Variants in L3HYPDH observed in about 807,000 individuals in gnomAD.
L3HYPDH encodes the protein trans-L-3-hydroxyproline dehydratase, also known as trans-3-hydroxy-L-proline dehydratase.
A neutral mutation model predicts 26.5 loss-of-function variants in L3HYPDH; 32 were observed. That is an observed-to-expected ratio of 1.21 (90% confidence interval 0.91 to 1.62). The LOEUF is 1.62. Ranked by LOEUF, L3HYPDH falls within the 40% of genes most tolerant of loss-of-function variation. The probability of loss-of-function intolerance (pLI) is 0.00; values close to 1 mark genes in which losing one functional copy is unlikely to be tolerated. For synonymous variants in L3HYPDH, 215 were observed against 196.6 expected, an observed-to-expected ratio of 1.09 and a Z score of -0.78; for missense variants, 554 against 476.4, an observed-to-expected ratio of 1.16 and a Z score of -1.52.
chr14:59,479,060 A>G (rs1889834071), intron 2 of L3HYPDH, 122 bp downstream of exon 2: 1 of 758,168 alleles, frequency 1.3e-6, no homozygotes, highest in South Asian at 2.4e-5. Flanking sequence ...TTTAATAAGT[A>G]CCCTATTCTT....
the L3HYPDH span, among the ~76,000 whole-genome samples, chr14:59,498,071 G>A: frequency 6.6e-6 from 1 of 151,910 alleles, no homozygotes; most frequent in Admixed American, 6.6e-5. Flanking sequence ...ATTAAAAATG[G>A]GACATTCAAA....
At chr14:59,493,425 A>G in the L3HYPDH span, among the ~76,000 whole-genome samples, 1 of 152,216 alleles carries the variant, frequency 6.6e-6, no homozygotes, top group Non-Finnish European at 1.5e-5. Context: ...GTGGAGCAGA[A>G]AGAACTGCCC....
the L3HYPDH span, chr14:59,495,334 T>C: frequency 6.7e-6 from 5 of 746,444 alleles, no homozygotes; most frequent in Middle Eastern, 3.6e-4. Flanking sequence ...GAGTTCTGGG[T>C]CTGCCAGCGG....
At position 59,473,077 on chromosome 14, in the gene L3HYPDH, C is replaced by T. The variant is rs1233663455; in HGVS notation, c.953G>A (p.Gly318Asp). ...TTCCACTATAACAGCTTTAAAATCA[C>T]CACATTTCGCTTCCTGAAAAAAGAT... ...TGKAVREAKCGDFKAVIVEVS... is the reference protein window; with the variant it reads ...TGKAVREAKCDDFKAVIVEVS... Residue 318 changes from glycine to aspartate, a missense_variant, in exon 5 of 5, where the codon GGT (glycine) becomes GAT (aspartate). Coordinates refer to ENST00000247194, the MANE Select transcript of L3HYPDH (RefSeq NM_144581.2). The T allele has an allele frequency of 1.3e-6, 2 of 1,592,344 alleles. No individual in the cohort carries two copies. The highest frequency in any genetic ancestry group is 1.8e-5 in the Admixed American group (1 of 54,666).
chr14:59,484,151 GGCGCATGTA>G lies in L3HYPDH; in HGVS notation c.157_165del (p.Tyr53_Arg55del). 3 of 1,601,086 alleles carry G rather than the reference GGCGCATGTA, an allele frequency of 1.9e-6. No individual in the cohort carries two copies. Among genetic ancestry groups the G allele is most frequent in the Non-Finnish European group, 2.5e-6 (3 of 1,179,300 alleles). On this transcript the variant is annotated inframe_deletion, in exon 1 of 5. Transcript: ENST00000247194. The stretch of plus-strand genomic sequence containing the variant: ...CGTCGCCGCACGTGGTCAAGGTGCT[GGCGCATGTA>G]GCGCCGCTTGGCCAGCAGGGTGGGC...
the L3HYPDH span, among the ~76,000 whole-genome samples, chr14:59,496,190 G>C: frequency 5.3e-5 from 8 of 152,060 alleles, no homozygotes; most frequent in Non-Finnish European, 1.0e-4. Flanking sequence ...ACAGGCGTGA[G>C]CCACTGTGCC....
rs1890295865 is a variant in L3HYPDH at position 59,484,115 on chromosome 14, C to A, written c.202G>T (p.Glu68Ter). ...TACATGTCCCGGTGCCCTCGGGGCTCGAACATGAGCCGTCGCCGCACGTGG... is the reference window on the plus strand; with the variant it reads ...TACATGTCCCGGTGCCCTCGGGGCTAGAACATGAGCCGTCGCCGCACGTGG... The part of the protein sequence containing the change: ...LDHVRRRLMF[E>*]PRGHRDMYGA... The change falls in exon 1 of 5, where the codon GAG (glutamate) becomes TAG (stop). Residue 68 changes from glutamate (E) to a stop codon, truncating the protein, a stop_gained. Transcript: ENST00000247194. LOFTEE classifies it high-confidence loss of function. 6.2e-7 allele frequency: 1 copy of A among 1,603,812 alleles called. No individual in the cohort carries two copies. Among genetic ancestry groups the A allele is most frequent in the Non-Finnish European group, 8.5e-7 (1 of 1,179,054 alleles).
rs1889357833 is a variant in L3HYPDH, at chr14:59,472,806, G to A, written c.*159C>T. On this transcript the variant is annotated 3_prime_UTR_variant, in exon 5 of 5. Transcript: ENST00000247194. The stretch of plus-strand genomic sequence containing the variant: ...TTTATACAAATACAGTTGCAAATAC[G>A]AGGTATAATGACTTTATATTTAGCC... 7 of 521,590 alleles carry A rather than the reference G, an allele frequency of 1.3e-5. No homozygotes were observed. The highest frequency in any genetic ancestry group is 3.5e-5 in the East Asian group (1 of 28,874). 32.3% of individuals were successfully genotyped at this position (521,590 alleles called of 1,614,324 possible). A position where few individuals can be genotyped will look rare whatever the true frequency, so the allele number is the denominator to read the frequency against.
upstream of L3HYPDH, chr14:59,484,541 G>A (rs747184134): frequency 9.0e-6 from 14 of 1,561,676 alleles, no homozygotes; most frequent in Non-Finnish European, 1.2e-5. Flanking sequence ...CGGTGCAGCT[G>A]CCAGATCCGC....
downstream of L3HYPDH, among the ~76,000 whole-genome samples, chr14:59,471,610 TA>T (rs1469828265): frequency 6.6e-6 from 1 of 152,188 alleles, no homozygotes; most frequent in African/African-American, 2.4e-5. Flanking sequence ...GGTCAGTGAG[TA>T]AAACTACCCC....
intron 2 of L3HYPDH, 183 bp downstream of exon 2, chr14:59,478,999 C>A: frequency 2.1e-6 from 1 of 474,688 alleles, no homozygotes; most frequent in Non-Finnish European, 3.6e-6. Context: ...TCCTGGGCTG[C>A]ATGTGGCTCA....
rs770930136 is a variant in L3HYPDH, at chr14:59,484,294, G to A, written c.23C>T (p.Pro8Leu). 6.3e-7 allele frequency: 1 copy of A among 1,591,704 alleles called. No individual in the cohort carries two copies. Among genetic ancestry groups the A allele is most frequent in the Admixed American group, 1.7e-5 (1 of 59,640 alleles). Residue 8 changes from proline to leucine, a missense_variant, in exon 1 of 5, where the codon CCC becomes CTC. By Grantham distance (98) the Pro-to-Leu change is moderately conservative. Coordinates refer to ENST00000247194, the MANE Select transcript of L3HYPDH (RefSeq NM_144581.2). MESALAV[P>L]RLPPHDPGTP... ...CCCTGGATCATGCGGGGGCAGCCGG[G>A]GCACCGCCAGCGCGCTCTCCATGGT...
upstream of L3HYPDH, chr14:59,487,700 T>C (rs1375121358): frequency 1.2e-6 from 2 of 1,613,298 alleles, no homozygotes; most frequent in Non-Finnish European, 8.5e-7. Context: ...AGAGAACGAA[T>C]GCACAGAAAT....
chr14:59,498,929 C>A, the L3HYPDH span: 3 of 1,367,386 alleles, frequency 2.2e-6, no homozygotes, highest in South Asian at 4.0e-5. Flanking sequence ...TGGGTAAAGT[C>A]AATGAAATAT....
upstream of L3HYPDH, chr14:59,486,731 C>A (rs1244757899): frequency 6.3e-7 from 1 of 1,591,140 alleles, no homozygotes; most frequent in South Asian, 1.1e-5. Context: ...ATTCAACCAG[C>A]ATGCCTTGGA....
At chr14:59,498,392 A>G in the L3HYPDH span, among the ~76,000 whole-genome samples, 19 of 152,318 alleles carry the variant, frequency 1.2e-4, no homozygotes, top group African/African-American at 4.3e-4. Flanking sequence ...ATTATAAGTG[A>G]TTCAATAAAA....
the L3HYPDH span, among the ~76,000 whole-genome samples, chr14:59,502,307 A>G: frequency 3.3e-5 from 5 of 152,208 alleles, no homozygotes; most frequent in African/African-American, 4.8e-5. Context: ...AAAGTGTCTC[A>G]GTACTCTTCC....
At position 59,476,233 on chromosome 14, in the gene L3HYPDH, G is replaced by GATCA. The variant is rs746541354; in HGVS notation, c.679-23_679-20dup. ...TTTTAAACTGCAAGTAACAAAAAAA[G>GATCA]ATCACATGCAAAATAAATATTTTGA... On this transcript the variant is annotated intron_variant, in intron 2 of 4. Coordinates refer to ENST00000247194, the MANE Select transcript of L3HYPDH (RefSeq NM_144581.2). 1 of 1,336,576 alleles carries GATCA rather than the reference G, an allele frequency of 7.5e-7. No individual in the cohort carries two copies. Among genetic ancestry groups the GATCA allele is most frequent in the South Asian group, 1.3e-5 (1 of 75,670 alleles). The allele number at this position is 1,336,576 out of a possible 1,614,324, so 82.8% of individuals were successfully genotyped here.
At chr14:59,474,967 A>G (rs1200699772) in intron 4 of L3HYPDH, 1 of 153,422 alleles carries the variant, frequency 6.5e-6, no homozygotes, top group Non-Finnish European at 1.5e-5. Context: ...CCAAATCTTA[A>G]AAACAGCTAT....
Sources: allele counts gnomAD v4.1 joint callset (sites outside exome capture counted in the v4.1 genomes callset), GRCh38; gene constraint gnomAD v4.1.1; transcripts MANE v1.5; gene names NCBI Gene and HGNC (gene_info 2026-07-23, HGNC 2026-07-21).